The following CCDC178 variants were observed in gnomAD, a reference collection of about 807,000 sequenced individuals.
CCDC178 encodes the protein coiled-coil domain-containing protein 178.
In CCDC178, 126 loss-of-function variants were observed where a neutral mutation model predicts 117.4. The observed-to-expected ratio is 1.07, with a 90% CI of 0.93 to 1.24. CCDC178 has a LOEUF of 1.24. CCDC178 is among the 50% of genes most tolerant of loss of function. CCDC178 has a pLI of 0.00. For missense variants in CCDC178, 1,030 were observed against 986.9 expected (o/e 1.04, Z -0.59); for synonymous variants, 283 against 313.4 (o/e 0.90, Z 1.02).
intron 20 of CCDC178, among the ~76,000 whole-genome samples, chr18:33,173,623 C>A (rs1042053831): frequency 8.5e-5 from 13 of 152,122 alleles, no homozygotes; most frequent in African/African-American, 3.1e-4. Context: ...TATGTTTTCT[C>A]CAAGTCTGGT....
intron 14 of CCDC178, among the ~76,000 whole-genome samples, chr18:33,257,282 C>T (rs997693631): frequency 1.3e-5 from 2 of 152,028 alleles, no homozygotes; most frequent in Admixed American, 6.6e-5. Flanking sequence ...AATGTTCTCA[C>T]TTGCTTTTCT....
chr18:32,985,085 A>T (rs1238340433), intron 21 of CCDC178, among the ~76,000 whole-genome samples: 2 of 151,994 alleles, frequency 1.3e-5, no homozygotes, highest in Non-Finnish European at 2.9e-5. Flanking sequence ...AAATTAATTC[A>T]CAATAAAAAC....
intron 21 of CCDC178, among the ~76,000 whole-genome samples, chr18:32,990,827 T>C (rs2055373127): frequency 6.6e-6 from 1 of 151,672 alleles, no homozygotes; most frequent in Admixed American, 6.6e-5. Context: ...GGATGACTGA[T>C]ACCAATATGA....
intron 12 of CCDC178, among the ~76,000 whole-genome samples, chr18:33,274,330 T>C (rs2059922056): frequency 6.6e-6 from 1 of 151,940 alleles, no homozygotes; most frequent in Non-Finnish European, 1.5e-5. Context: ...TGTAGTCACT[T>C]TGGAAAATAG....
intron 12 of CCDC178, among the ~76,000 whole-genome samples, chr18:33,282,115 G>A (rs531796394): frequency 6.6e-6 from 1 of 152,076 alleles, no homozygotes; most frequent in South Asian, 2.1e-4. Context: ...ACATATGGGG[G>A]GCTCATTTTT....
chr18:33,217,578 T>C lies in CCDC178; in HGVS notation c.1933-1883A>G, dbSNP rs143303195. ...TTATTGGTAATGTCAAAATACTATA[T>C]TGGCCTATGTCATAAATTTTGCTGT... On this transcript the variant is annotated intron_variant, in intron 18 of 22. Transcript: ENST00000383096. Among the ~76,000 whole-genome samples, 472 of 152,064 alleles carry C rather than the reference T, an allele frequency of 3.1e-3. 1 individual carries two copies. The highest frequency in any genetic ancestry group is 0.01 in the African/African-American group (436 of 41,550).
At chr18:33,256,981 T>C (rs968589779) in intron 14 of CCDC178, among the ~76,000 whole-genome samples, 1 of 148,492 alleles carries the variant, frequency 6.7e-6, no homozygotes, top group Admixed American at 6.7e-5. Context: ...GTTCTATTTA[T>C]TTATTTGAAA....
intron 18 of CCDC178, 145 bp downstream of exon 18, chr18:33,222,957 TGTGA>T (rs1296750722): frequency 1.4e-5 from 8 of 571,748 alleles, no homozygotes; most frequent in African/African-American, 3.8e-5. Context: ...ACTGTGTGTG[TGTGA>T]GTGTGTGCGC....
At chr18:33,023,023 CAAG>C (rs1228039175) in intron 21 of CCDC178, among the ~76,000 whole-genome samples, 1 of 152,000 alleles carries the variant, frequency 6.6e-6, no homozygotes, top group Non-Finnish European at 1.5e-5. Context: ...ATTAATCCAT[CAAG>C]AAGAAGTTAT....
intron 14 of CCDC178, among the ~76,000 whole-genome samples, chr18:33,259,829 A>G (rs913644672): frequency 1.2e-4 from 19 of 152,174 alleles, no homozygotes; most frequent in Non-Finnish European, 2.4e-4. Flanking sequence ...TTTAGAACCT[A>G]CCATAATGTC....
chr18:33,109,200 A>T (rs1484968243), intron 20 of CCDC178, among the ~76,000 whole-genome samples: 1 of 151,750 alleles, frequency 6.6e-6, no homozygotes, highest in African/African-American at 2.4e-5. Context: ...TTTCAAGAAT[A>T]CTAACCCACT....
intron 20 of CCDC178, among the ~76,000 whole-genome samples, chr18:33,174,154 G>A (rs1402008869): frequency 1.3e-5 from 2 of 151,786 alleles, no homozygotes. Flanking sequence ...GTCACACGGT[G>A]AGAATGGAGC....
intron 20 of CCDC178, among the ~76,000 whole-genome samples, chr18:33,170,769 T>A (rs1158136845): frequency 6.6e-6 from 1 of 152,194 alleles, no homozygotes; most frequent in African/African-American, 2.4e-5. Context: ...AGTTTTTCTA[T>A]CCTAAAAGCA....
chr18:33,395,901 C>T (rs374043680), intron 4 of CCDC178, among the ~76,000 whole-genome samples: 1 of 151,934 alleles, frequency 6.6e-6, no homozygotes, highest in East Asian at 1.9e-4. Context: ...ATGAATTGGA[C>T]GAATATCTGC....
intron 10 of CCDC178, among the ~76,000 whole-genome samples, chr18:33,332,430 A>G (rs546817336): frequency 1.3e-5 from 2 of 152,288 alleles, no homozygotes; most frequent in East Asian, 3.9e-4. Flanking sequence ...AGGAGAGTTA[A>G]ATATCTAATT....
At chr18:33,355,890 A>T (rs1226987766) in intron 7 of CCDC178, among the ~76,000 whole-genome samples, 1 of 152,176 alleles carries the variant, frequency 6.6e-6, no homozygotes, top group African/African-American at 2.4e-5. Context: ...TGGCACTAGG[A>T]ATCTGCACCA....
At chr18:33,263,702 C>T (rs914224698) in intron 14 of CCDC178, among the ~76,000 whole-genome samples, 3 of 152,070 alleles carry the variant, frequency 2.0e-5, no homozygotes, top group African/African-American at 4.8e-5. Context: ...GACGTTACTA[C>T]TCTTAAGGCA....
chr18:33,121,920 C>T (rs992253692), intron 20 of CCDC178, among the ~76,000 whole-genome samples: 1 of 152,002 alleles, frequency 6.6e-6, no homozygotes, highest in Non-Finnish European at 1.5e-5. Flanking sequence ...TTTAGAAAGA[C>T]AAAAACTTGA....
intron 21 of CCDC178, among the ~76,000 whole-genome samples, chr18:33,011,138 AAC>A (rs1157420010): frequency 6.6e-6 from 1 of 152,186 alleles, no homozygotes; most frequent in African/African-American, 2.4e-5. Flanking sequence ...TGCATTATAG[AAC>A]ACACAGAAAA....
Sources: gnomAD v4.1 joint callset for allele counts (sites outside exome capture counted in the v4.1 genomes callset) on GRCh38, gnomAD v4.1.1 for gene constraint, MANE v1.5 for transcripts, NCBI Gene and HGNC (gene_info 2026-07-23, HGNC 2026-07-21) for gene names.